The following FGF12 variants were observed in gnomAD, a reference collection of about 807,000 sequenced individuals.
FGF12 encodes fibroblast growth factor 12B.
A neutral mutation model predicts 23.6 loss-of-function variants in FGF12; 14 were observed. The ratio of observed to expected loss-of-function variants is 0.59; its 90% CI spans 0.39 to 0.93. The LOEUF is 0.93. Ranked by LOEUF, FGF12 falls within the 40% of genes least tolerant of loss-of-function variation. The pLI is 0.00. For synonymous variants in FGF12, 62 were observed against 77.3 expected (o/e 0.80, Z 1.04); for missense variants, 175 against 217.8 (o/e 0.80, Z 1.24).
At chr3:192,442,900 C>T (rs1206173897) in intron 2 of FGF12, among the ~76,000 whole-genome samples, 3 of 151,642 alleles carry the variant, frequency 2.0e-5, no homozygotes, top group Non-Finnish European at 4.4e-5. Flanking sequence ...CTCCGCCCTC[C>T]GAGTTCAAGC....
chr3:192,706,353 G>A (rs926237851), intron 2 of FGF12, among the ~76,000 whole-genome samples: 11 of 151,416 alleles, frequency 7.3e-5, no homozygotes, highest in South Asian at 6.3e-4. Flanking sequence ...CTTTTCTTTC[G>A]CCCACCTCAT....
chr3:192,683,500 T>C (rs1359359833), intron 2 of FGF12, among the ~76,000 whole-genome samples: 1 of 152,174 alleles, frequency 6.6e-6, no homozygotes, highest in East Asian at 1.9e-4. Flanking sequence ...GTTATGTTGG[T>C]GTGATGAATG....
chr3:192,369,779 A>T (rs372000968), intron 2 of FGF12, among the ~76,000 whole-genome samples: 1 of 152,322 alleles, frequency 6.6e-6, no homozygotes, highest in South Asian at 2.1e-4. Context: ...CCTTGAAGGC[A>T]CCCACGGCCT....
At chr3:192,298,519 G>A (rs557663420) in intron 4 of FGF12, among the ~76,000 whole-genome samples, 31 of 152,236 alleles carry the variant, frequency 2.0e-4, no homozygotes, top group African/African-American at 6.5e-4. Flanking sequence ...TCGGGAGGCC[G>A]AGGTAGACAG....
At chr3:192,543,167 G>C (rs1339137243) in intron 2 of FGF12, among the ~76,000 whole-genome samples, 1 of 152,186 alleles carries the variant, frequency 6.6e-6, no homozygotes, top group Non-Finnish European at 1.5e-5. Flanking sequence ...AGAAACCTTA[G>C]GAATCTACCT....
chr3:192,489,899 G>A (rs957557843), intron 2 of FGF12, among the ~76,000 whole-genome samples: 6 of 152,092 alleles, frequency 3.9e-5, no homozygotes, highest in Admixed American at 6.6e-5. Context: ...ATACCTGGGC[G>A]ATGAAATAAT....
intron 2 of FGF12, among the ~76,000 whole-genome samples, chr3:192,567,050 C>T (rs762020603): frequency 6.6e-6 from 1 of 152,310 alleles, no homozygotes; most frequent in East Asian, 1.9e-4. Context: ...CCCACAGATA[C>T]TTTCTCTCGT....
chr3:192,437,333 G>C (rs925497491), intron 2 of FGF12, among the ~76,000 whole-genome samples: 2 of 152,132 alleles, frequency 1.3e-5, no homozygotes, highest in African/African-American at 4.8e-5. Context: ...TTTGTGTAGA[G>C]AACTAGTTGA....
At chr3:192,656,040 CAAAAAA>C (rs11292484) in intron 2 of FGF12, among the ~76,000 whole-genome samples, 5 of 106,562 alleles carry the variant, frequency 4.7e-5, no homozygotes, top group Non-Finnish European at 5.5e-5. Context: ...GAGGTTCAGG[CAAAAAA>C]AAAAAAAAAA....
At chr3:192,208,909 A>G (rs1240085055) in intron 4 of FGF12, among the ~76,000 whole-genome samples, 1 of 152,232 alleles carries the variant, frequency 6.6e-6, no homozygotes, top group Non-Finnish European at 1.5e-5. Flanking sequence ...TCCTTGTAGT[A>G]CCTTCAGTTG....
chr3:192,311,936 T>TCTATCTAC (rs879626728), intron 4 of FGF12, among the ~76,000 whole-genome samples: 1 of 137,286 alleles, frequency 7.3e-6, no homozygotes, highest in Non-Finnish European at 1.6e-5. Flanking sequence ...TGTCTATCTA[T>TCTATCTAC]CTATCTATCT....
chr3:192,276,294 C>T (rs984632195), intron 4 of FGF12, among the ~76,000 whole-genome samples: 83 of 152,094 alleles, frequency 5.5e-4, no homozygotes, highest in African/African-American at 1.9e-3. Context: ...TGGATAAATC[C>T]CAGGCCTACA....
chr3:192,290,617 T>G (rs1179376979), intron 4 of FGF12, among the ~76,000 whole-genome samples: 1 of 152,168 alleles, frequency 6.6e-6, no homozygotes, highest in East Asian at 1.9e-4. Flanking sequence ...GAGTATTCAT[T>G]TGCCCAAGTT....
chr3:192,559,273 T>C (rs1711914084), intron 2 of FGF12, among the ~76,000 whole-genome samples: 1 of 151,888 alleles, frequency 6.6e-6, no homozygotes, highest in Non-Finnish European at 1.5e-5. Flanking sequence ...AACCCACTTT[T>C]TAAAATGTTT....
intron 4 of FGF12, among the ~76,000 whole-genome samples, chr3:192,270,667 GT>G (rs1303225636): frequency 6.6e-6 from 1 of 152,002 alleles, no homozygotes; most frequent in East Asian, 1.9e-4. Context: ...TGACAAATAT[GT>G]TTCCACACTT....
At chr3:192,539,366 A>G (rs1193076141) in intron 2 of FGF12, among the ~76,000 whole-genome samples, 2 of 152,090 alleles carry the variant, frequency 1.3e-5, no homozygotes, top group East Asian at 1.9e-4. Flanking sequence ...GTTGAATTTT[A>G]TCAAATAATT....
chr3:192,522,111 T>C (rs1396422640), intron 2 of FGF12, among the ~76,000 whole-genome samples: 1 of 149,440 alleles, frequency 6.7e-6, no homozygotes, highest in Non-Finnish European at 1.5e-5. Context: ...GGCAGGAGAA[T>C]GGCGTGAACC....
intron 2 of FGF12, among the ~76,000 whole-genome samples, chr3:192,481,292 G>A (rs1256444565): frequency 6.6e-6 from 1 of 151,810 alleles, no homozygotes; most frequent in Non-Finnish European, 1.5e-5. Context: ...AGCATAAATA[G>A]CTTGGATGGT....
intron 4 of FGF12, among the ~76,000 whole-genome samples, chr3:192,292,220 A>G (rs930992846): frequency 2.6e-5 from 4 of 152,196 alleles, no homozygotes; most frequent in Non-Finnish European, 4.4e-5. Flanking sequence ...GTAGCTATTG[A>G]CAAATCACGT....
Sources: gnomAD v4.1 joint callset for allele counts (sites outside exome capture counted in the v4.1 genomes callset) on GRCh38, gnomAD v4.1.1 for gene constraint, MANE v1.5 for transcripts, NCBI Gene and HGNC (gene_info 2026-07-23, HGNC 2026-07-21) for gene names.